The following PCNX1 variants were observed in gnomAD, a reference collection of about 807,000 sequenced individuals.
The protein encoded by PCNX1 is pecanex 1, also known as pecanex-like protein 1.
Under a neutral mutation model 242.2 loss-of-function variants are expected in PCNX1, and 78 were observed. That is an observed-to-expected ratio of 0.32 (90% CI 0.27 to 0.39). The LOEUF is 0.39. Among genes scored for constraint, PCNX1 ranks in the 10% least tolerant of loss-of-function variants. The probability of loss-of-function intolerance (pLI) is 1.00; values close to 1 mark genes in which losing one functional copy is unlikely to be tolerated. For synonymous variants in PCNX1, 1,024 were observed against 1,032.9 expected (o/e 0.99, Z 0.17); for missense variants, 2,581 against 2,856.5 (o/e 0.90, Z 2.20).
At chr14:71,028,845 G>A in intron 16 of PCNX1, 54 bp downstream of exon 16, 1 of 1,092,126 alleles carries the variant, frequency 9.2e-7, no homozygotes. Context: ...TCTATATGAA[G>A]GTTGTTTTAA....
At chr14:70,991,648 A>T (rs2059170684) in intron 7 of PCNX1, among the ~76,000 whole-genome samples, 1 of 152,234 alleles carries the variant, frequency 6.6e-6, no homozygotes, top group South Asian at 2.1e-4. Flanking sequence ...CATCATGGGT[A>T]AAGTAAAATA....
Position 70,956,273 on chromosome 14 carries a change from T to C in PCNX1, c.363-5953T>C, listed in dbSNP as rs575882983. Among the ~76,000 whole-genome samples, 15 of 152,266 alleles carry C rather than the reference T, an allele frequency of 9.9e-5. No individual in the cohort carries two copies. In the South Asian group the frequency reaches 3.1e-3, roughly 32 times the overall value. On this transcript the variant is annotated intron_variant, in intron 2 of 35. Transcript: ENST00000304743. ...TAGAAAGAATAAGGGCCAAGCGCAG[T>C]GGCTCACGCTTGTATTCCCAGCACT...
At chr14:70,937,394 C>T (rs958323841) in intron 1 of PCNX1, among the ~76,000 whole-genome samples, 2 of 152,158 alleles carry the variant, frequency 1.3e-5, no homozygotes, top group Admixed American at 1.3e-4. Context: ...ATAGGGAATC[C>T]TTTCCCCATT....
At chr14:71,095,016 T>G (rs576042065) in intron 30 of PCNX1, among the ~76,000 whole-genome samples, 2 of 152,254 alleles carry the variant, frequency 1.3e-5, no homozygotes, top group African/African-American at 4.8e-5. Flanking sequence ...TACTTTCATA[T>G]GCATTAGATC....
At position 71,062,846 on chromosome 14, in the gene PCNX1, C is replaced by G. The variant is rs148921143; in HGVS notation, c.4852+5122C>G. ...GTGGCAAGTGCCCTATATAGATATA[C>G]CATTTTTTATCTTTTTGCCATATTT... On this transcript the variant is annotated intron_variant, in intron 26 of 35. Transcript: ENST00000304743. 8.5e-3 allele frequency among the ~76,000 whole-genome samples: 1,293 copies of G among 152,252 alleles called. 21 individuals are homozygous for G. Among genetic ancestry groups the G allele is most frequent in the African/African-American group, 0.03 (1,246 of 41,542 alleles).
At chr14:71,065,606 A>G (rs1047930015) in intron 26 of PCNX1, among the ~76,000 whole-genome samples, 4 of 152,180 alleles carry the variant, frequency 2.6e-5, no homozygotes, top group Non-Finnish European at 5.9e-5. Context: ...TTTGCTTTAC[A>G]GAAGCTCTTT....
In PCNX1 at chr14:71,103,650, A is replaced by G. The variant is rs774102527; in HGVS notation, c.6076A>G (p.Ile2026Val). 49 of 1,613,944 alleles carry G rather than the reference A, an allele frequency of 3.0e-5. No homozygotes were observed. The Admixed American group carries it at 5.7e-4, about 19-fold the overall frequency. Residue 2026 changes from isoleucine (I) to valine (V), a missense_variant, in exon 32 of 36, where the codon ATA (isoleucine) becomes GTA (valine). Ile to Val is a conservative substitution (Grantham distance 29). Around this residue, in one of 9 missense-constraint regions of PCNX1, gnomAD observed 432 missense variants for 433.6 expected, o/e 1.00. Coordinates refer to ENST00000304743, the MANE Select transcript of PCNX1 (RefSeq NM_014982.3). Reference protein sequence around the residue: ...PISLGNIRNFIVSTWHRLRKG... With the variant: ...PISLGNIRNFVVSTWHRLRKG... The stretch of plus-strand genomic sequence containing the variant: ...CAGCTTGGGAAATATCAGGAACTTC[A>G]TAGTGTCAACCTGGCACAGGTGAGC...
chr14:71,054,946 C>T (rs1291665565), intron 24 of PCNX1, among the ~76,000 whole-genome samples: 1 of 152,176 alleles, frequency 6.6e-6, no homozygotes, highest in African/African-American at 2.4e-5. Flanking sequence ...AATGCCCAGG[C>T]ACCACAGTCT....
chr14:70,942,641 G>T (rs1441880731), intron 1 of PCNX1, among the ~76,000 whole-genome samples: 1 of 152,176 alleles, frequency 6.6e-6, no homozygotes, highest in African/African-American at 2.4e-5. Flanking sequence ...ATGAGGCAAG[G>T]CATGTGGGAA....
At position 71,030,086 on chromosome 14, in the gene PCNX1, T is replaced by G. The variant is rs575782141; in HGVS notation, c.3558+1295T>G. 4.6e-5 allele frequency among the ~76,000 whole-genome samples: 7 copies of G among 152,300 alleles called. No homozygotes were observed. In the East Asian group the frequency reaches 1.3e-3, roughly 29 times the overall value. On this transcript the variant is annotated intron_variant, in intron 16 of 35. Coordinates refer to ENST00000304743, the MANE Select transcript of PCNX1 (RefSeq NM_014982.3). Reference sequence around the variant, plus strand: ...AGTCGTTGTGCTGGACATCTTTTGGTTTTTTTAGTTTTAATTTTTATCAGA... The same window carrying G: ...AGTCGTTGTGCTGGACATCTTTTGGGTTTTTTAGTTTTAATTTTTATCAGA...
At chr14:70,998,769 A>AAAAG (rs1376688058) in intron 8 of PCNX1, among the ~76,000 whole-genome samples, 4 of 150,218 alleles carry the variant, frequency 2.7e-5, no homozygotes. Flanking sequence ...AAAAAAAAAA[A>AAAAG]AAAGAAAAAC....
Position 71,026,888 on chromosome 14 carries a change from T to A in PCNX1, c.3466+6T>A. 1.7e-6 allele frequency: 2 copies of A among 1,153,670 alleles called. No homozygotes were observed. Among genetic ancestry groups the A allele is most frequent in the Non-Finnish European group, 2.6e-6 (2 of 764,688 alleles). The allele number at this position is 1,153,670 out of a possible 1,614,324, so 71.5% of individuals were successfully genotyped here. On this transcript the variant is annotated splice_donor_region_variant and intron_variant, in intron 15 of 35. Transcript: ENST00000304743. ...TCATATTTTTGGTGGTAATGGTGAG[T>A]ACTTCTTTATAAAAATTATAGATTA...
rs2062801915 is a variant in PCNX1 at position 71,113,849 on chromosome 14, T to TGG, written c.*3917_*3918dup. 1 of 152,154 alleles carries TGG rather than the reference T, an allele frequency of 6.6e-6. No homozygotes were observed. Among genetic ancestry groups the TGG allele is most frequent in the African/African-American group, 2.4e-5 (1 of 41,444 alleles). 9.4% of individuals were successfully genotyped at this position (152,154 alleles called of 1,614,324 possible). A position where few individuals can be genotyped will look rare whatever the true frequency, so the allele number is the denominator to read the frequency against. On this transcript the variant is annotated 3_prime_UTR_variant, in exon 36 of 36. Transcript: ENST00000304743. ...TCATGAATATGGACAAAGCCTTTTC[T>TGG]GGGGTGTGTGTGTGTGTGTATGTTT...
intron 1 of PCNX1, among the ~76,000 whole-genome samples, chr14:70,910,796 A>G (rs1224946211): frequency 6.6e-6 from 1 of 152,216 alleles, no homozygotes; most frequent in African/African-American, 2.4e-5. Flanking sequence ...AGATTAGTGT[A>G]AAGCACATGT....
chr14:71,110,839 G>A lies in PCNX1; in HGVS notation c.*904G>A, dbSNP rs1395110128. 6.6e-6 allele frequency: 1 copy of A among 152,658 alleles called. No homozygotes were observed. The highest frequency in any genetic ancestry group is 2.4e-5 in the African/African-American group (1 of 41,456). The allele number at this position is 152,658 out of a possible 1,614,324, so 9.5% of individuals were successfully genotyped here. A position where few individuals can be genotyped will look rare whatever the true frequency, so the allele number is the denominator to read the frequency against. On this transcript the variant is annotated 3_prime_UTR_variant, in exon 36 of 36. Coordinates refer to ENST00000304743, the MANE Select transcript of PCNX1 (RefSeq NM_014982.3). The stretch of plus-strand genomic sequence containing the variant: ...ATGTGCTCTGCTTCTCTCCACCAGA[G>A]CAAGCTCTGCTGGGCGTGCTTCTGG...
At chr14:70,995,117 C>T (rs1312564863) in intron 7 of PCNX1, among the ~76,000 whole-genome samples, 1 of 152,054 alleles carries the variant, frequency 6.6e-6, no homozygotes, top group Non-Finnish European at 1.5e-5. Context: ...ATAGATAACA[C>T]TTTATATTAA....
rs1372076396 is a variant in PCNX1, at chr14:71,013,130, G to A, written c.2924G>A (p.Arg975His). 5 of 1,614,066 alleles carry A rather than the reference G, an allele frequency of 3.1e-6. No individual in the cohort carries two copies. Among genetic ancestry groups the A allele is most frequent in the Non-Finnish European group, 2.5e-6 (3 of 1,180,006 alleles). The change falls in exon 11 of 36, where the codon CGC becomes CAC. Residue 975 changes from arginine (R) to histidine (H), a missense_variant. This residue lies in a region of PCNX1 where 1,204 missense variants were observed against 1,216.7 expected (regional missense o/e 0.99). Coordinates refer to ENST00000304743, the MANE Select transcript of PCNX1 (RefSeq NM_014982.3). ...GCCCAAAAGGTTAAACACTATTATCGCTTTTGGATCCTACCCCAGCTGTGG... is the reference window on the plus strand; with the variant it reads ...GCCCAAAAGGTTAAACACTATTATCACTTTTGGATCCTACCCCAGCTGTGG... ...EAAQKVKHYY[R>H]FWILPQLWIG...
chr14:71,031,988 A>G (rs1400109361), intron 16 of PCNX1: 2 of 1,165,026 alleles, frequency 1.7e-6, no homozygotes, highest in Non-Finnish European at 2.6e-6. Context: ...TCATTGTCTC[A>G]TGCCAAGAAA....
intron 8 of PCNX1, among the ~76,000 whole-genome samples, chr14:71,008,596 C>T (rs1481357568): frequency 7.4e-6 from 1 of 134,594 alleles, no homozygotes; most frequent in Non-Finnish European, 1.5e-5. Flanking sequence ...GCAGAGCTTG[C>T]AGTGAGCCGA....
Sources: allele counts gnomAD v4.1 joint callset (sites outside exome capture counted in the v4.1 genomes callset), GRCh38; gene constraint gnomAD v4.1.1; regional missense constraint gnomAD v4.1.1; transcripts MANE v1.5; gene names NCBI Gene and HGNC (gene_info 2026-07-23, HGNC 2026-07-21).